The following TRAPPC9 variants were observed in gnomAD, a reference collection of about 807,000 sequenced individuals.
TRAPPC9 encodes the protein trafficking protein particle complex subunit 9.
TRAPPC9 carries 83 observed loss-of-function variants against 124.0 expected under a neutral mutation model. That is an observed-to-expected ratio of 0.67 (90% CI 0.56 to 0.80). The LOEUF (loss-of-function observed/expected upper bound fraction) is 0.80, where lower values mean the gene tolerates loss of function less well. Ranked by LOEUF, TRAPPC9 falls within the 30% of genes least tolerant of loss-of-function variation. The pLI is 0.00. For missense variants in TRAPPC9, 1,302 were observed against 1,508.3 expected, an observed-to-expected ratio of 0.86 and a Z score of 2.27; for synonymous variants, 638 against 617.5, an observed-to-expected ratio of 1.03 and a Z score of -0.49.
In TRAPPC9 at chr8:139,889,445, G is replaced by A. The variant is rs2131141119; in HGVS notation, c.2965-3476C>T. On this transcript the variant is annotated intron_variant, in intron 20 of 22. Transcript: ENST00000438773. ...ATCGCCTGAACTAGGTGCTTGCTGG[G>A]TTATGAGAACAAACGTTTCCAGGAG... Among the ~76,000 whole-genome samples the A allele has an allele frequency of 2.0e-5, 3 of 152,326 alleles. No homozygotes were observed. In the Middle Eastern group the frequency reaches 0.01, roughly 518 times the overall value.
intron 19 of TRAPPC9, among the ~76,000 whole-genome samples, chr8:139,978,783 G>A (rs957558198): frequency 7.2e-5 from 11 of 152,222 alleles, no homozygotes; most frequent in African/African-American, 1.9e-4. Flanking sequence ...GGCCTGAGGC[G>A]GGTGTGGCTG....
At chr8:140,116,052 G>A (rs1382920571) in intron 17 of TRAPPC9, among the ~76,000 whole-genome samples, 1 of 152,168 alleles carries the variant, frequency 6.6e-6, no homozygotes, top group African/African-American at 2.4e-5. Context: ...CCCAGCAGAG[G>A]GGGCAGCAGG....
chr8:140,186,235 T>C (rs958080171), intron 17 of TRAPPC9, among the ~76,000 whole-genome samples: 9 of 152,338 alleles, frequency 5.9e-5, no homozygotes, highest in Middle Eastern at 6.8e-3. Context: ...ACTGTACAAT[T>C]TCTATACATT....
chr8:140,021,469 T>G (rs937356193), intron 18 of TRAPPC9, among the ~76,000 whole-genome samples: 1 of 150,618 alleles, frequency 6.6e-6, no homozygotes, highest in Non-Finnish European at 1.5e-5. Context: ...AAGTAGTCAA[T>G]TAATCTTTCA....
At chr8:140,229,902 C>T (rs943534069) in intron 16 of TRAPPC9, among the ~76,000 whole-genome samples, 1 of 152,134 alleles carries the variant, frequency 6.6e-6, no homozygotes, top group Non-Finnish European at 1.5e-5. Flanking sequence ...GCCTCTAAAA[C>T]GTACAAAGCA....
chr8:140,083,192 CA>C (rs35485579), intron 17 of TRAPPC9, among the ~76,000 whole-genome samples: 60,648 of 149,458 alleles, frequency 0.41, 13,648 homozygotes, highest in Middle Eastern at 0.56. Flanking sequence ...GACTCCATCT[CA>C]AAAAAAAAAA....
intron 16 of TRAPPC9, among the ~76,000 whole-genome samples, chr8:140,230,776 C>CAAAAAAAAAG (rs1554647529): frequency 1.1e-5 from 1 of 88,092 alleles, no homozygotes; most frequent in East Asian, 2.7e-4. Flanking sequence ...AACTCCATCT[C>CAAAAAAAAAG]AAAAAAAAAG....
intron 20 of TRAPPC9, among the ~76,000 whole-genome samples, chr8:139,903,340 G>A (rs1403096288): frequency 1.3e-5 from 2 of 152,132 alleles, no homozygotes; most frequent in African/African-American, 4.8e-5. Flanking sequence ...GGAGGCGGAT[G>A]CGCCTGGTGG....
At chr8:140,412,368 T>C (rs572811497) in intron 5 of TRAPPC9, among the ~76,000 whole-genome samples, 1 of 152,338 alleles carries the variant, frequency 6.6e-6, no homozygotes, top group East Asian at 1.9e-4. Flanking sequence ...CTAAGTGCCA[T>C]AAACACTAAA....
At chr8:139,796,090 G>GGAGGAAGAGGAGGAGGAA (rs1271300743) in intron 21 of TRAPPC9, among the ~76,000 whole-genome samples, 1 of 140,552 alleles carries the variant, frequency 7.1e-6, no homozygotes, top group Non-Finnish European at 1.5e-5. Context: ...AGGAGAAGGA[G>GGAGGAAGAGGAGGAGGAA]GAGGAAGAGG....
At chr8:140,261,485 T>C (rs1048426885) in intron 15 of TRAPPC9, among the ~76,000 whole-genome samples, 6 of 152,160 alleles carry the variant, frequency 3.9e-5, no homozygotes, top group Non-Finnish European at 8.8e-5. Context: ...CCATTACACA[T>C]AGAACAGGTT....
intron 17 of TRAPPC9, among the ~76,000 whole-genome samples, chr8:140,220,966 G>A (rs1010552390): frequency 3.3e-5 from 5 of 152,086 alleles, no homozygotes; most frequent in Middle Eastern, 3.2e-3. Context: ...GCCTCTCCAC[G>A]GAGCCAGCAG....
chr8:140,437,855 G>C (rs1214296010), intron 3 of TRAPPC9, among the ~76,000 whole-genome samples: 1 of 152,128 alleles, frequency 6.6e-6, no homozygotes, highest in Non-Finnish European at 1.5e-5. Flanking sequence ...AGTCCCCAAA[G>C]GGAAGACCAC....
chr8:140,101,010 T>G (rs529656645), intron 17 of TRAPPC9, among the ~76,000 whole-genome samples: 1 of 152,254 alleles, frequency 6.6e-6, no homozygotes, highest in Non-Finnish European at 1.5e-5. Context: ...AAGTTGAAAT[T>G]AAGAAATTTT....
At chr8:139,962,162 C>G (rs947434933) in intron 19 of TRAPPC9, among the ~76,000 whole-genome samples, 6 of 124,546 alleles carry the variant, frequency 4.8e-5, no homozygotes, top group African/African-American at 1.5e-4. Flanking sequence ...TCATCTTCAT[C>G]TTGTTCACCC....
At chr8:140,115,268 TGG>T (rs1563772395) in intron 17 of TRAPPC9, among the ~76,000 whole-genome samples, 5 of 144,300 alleles carry the variant, frequency 3.5e-5, no homozygotes, top group African/African-American at 8.2e-5. Context: ...GTTGTTATAA[TGG>T]TTTTTTTTTT....
At chr8:140,220,640 C>A (rs2063318443) in intron 17 of TRAPPC9, among the ~76,000 whole-genome samples, 1 of 152,200 alleles carries the variant, frequency 6.6e-6, no homozygotes, top group Non-Finnish European at 1.5e-5. Context: ...GCTCCTCCAC[C>A]CCTCCTCTTG....
At chr8:140,065,042 T>G (rs943385677) in intron 17 of TRAPPC9, among the ~76,000 whole-genome samples, 2 of 152,206 alleles carry the variant, frequency 1.3e-5, no homozygotes, top group African/African-American at 2.4e-5. Context: ...TTGGTGATCT[T>G]GGCAGTAAGA....
chr8:140,101,415 A>G (rs993324263), intron 17 of TRAPPC9, among the ~76,000 whole-genome samples: 1 of 151,702 alleles, frequency 6.6e-6, no homozygotes, highest in Non-Finnish European at 1.5e-5. Flanking sequence ...TACAGGCCTG[A>G]GCCACTGTGC....
Sources: allele counts gnomAD v4.1 joint callset (sites outside exome capture counted in the v4.1 genomes callset), GRCh38; gene constraint gnomAD v4.1.1; transcripts MANE v1.5; gene names NCBI Gene and HGNC (gene_info 2026-07-23, HGNC 2026-07-21).